Variants in ITPR1 observed in about 807,000 individuals in gnomAD.
ITPR1 encodes inositol 1,4,5-trisphosphate receptor type 1, also known as inositol 1,4,5-trisphosphate-gated calcium channel ITPR1.
In ITPR1, 96 loss-of-function variants were observed where a neutral mutation model predicts 318.4. That is an observed-to-expected ratio of 0.30 (90% confidence interval 0.26 to 0.36). The LOEUF (loss-of-function observed/expected upper bound fraction) is 0.36. Among genes scored for constraint, ITPR1 ranks in the 10% least tolerant of loss-of-function variants. The pLI is 1.00. For missense variants in ITPR1, 2,440 were observed against 3,460.2 expected, an observed-to-expected ratio of 0.71 and a Z score of 7.40; for synonymous variants, 1,312 against 1,289.9, an observed-to-expected ratio of 1.02 and a Z score of -0.37.
intron 4 of ITPR1, among the ~76,000 whole-genome samples, chr3:4,612,517 C>A (rs1172852763): frequency 2.0e-5 from 3 of 151,924 alleles, no homozygotes; most frequent in African/African-American, 7.3e-5. Flanking sequence ...TCTATATCCC[C>A]CCACTTCTGT....
Position 4,645,733 on chromosome 3 carries a change from G to A in ITPR1, c.855+5G>A. On this transcript the variant is annotated splice_donor_5th_base_variant and intron_variant, in intron 10 of 61. Coordinates refer to ENST00000649015, the MANE Select transcript of ITPR1 (RefSeq NM_001378452.1). ...AAAGCCCTGTGGGAGGTGGAGGTAAGGGTAGGGTGGAGAAAGGGCTCCTGG... is the reference window on the plus strand; with the variant it reads ...AAAGCCCTGTGGGAGGTGGAGGTAAAGGTAGGGTGGAGAAAGGGCTCCTGG... 1 of 1,611,620 alleles carries A rather than the reference G, an allele frequency of 6.2e-7. No homozygotes were observed. Among genetic ancestry groups the A allele is most frequent in the South Asian group, 1.1e-5 (1 of 90,872 alleles).
At chr3:4,673,821 A>G (rs2094135041) in intron 21 of ITPR1, among the ~76,000 whole-genome samples, 1 of 152,098 alleles carries the variant, frequency 6.6e-6, no homozygotes, top group South Asian at 2.1e-4. Context: ...TGACCTTGTG[A>G]GCCGTCCACC....
chr3:4,830,415 T>C (rs2050396799), intron 60 of ITPR1, among the ~76,000 whole-genome samples: 1 of 152,156 alleles, frequency 6.6e-6, no homozygotes, highest in Admixed American at 6.5e-5. Flanking sequence ...TTAGAAAAAT[T>C]AGCTCTAAAG....
At chr3:4,799,709 C>T (rs1398576102) in intron 53 of ITPR1, 2 of 152,046 alleles carry the variant, frequency 1.3e-5, no homozygotes, top group African/African-American at 4.8e-5. Flanking sequence ...TATAACCAAG[C>T]CGTCTCGTGG....
chr3:4,719,995 CAT>C (rs1406781371), intron 40 of ITPR1, among the ~76,000 whole-genome samples: 1 of 152,188 alleles, frequency 6.6e-6, no homozygotes, highest in Non-Finnish European at 1.5e-5. Context: ...AATTGTTACA[CAT>C]GTGTACACCT....
At chr3:4,835,102 G>A (rs1015825931) in intron 60 of ITPR1, among the ~76,000 whole-genome samples, 2 of 152,116 alleles carry the variant, frequency 1.3e-5, no homozygotes, top group Admixed American at 6.5e-5. Flanking sequence ...ACAAACTAGT[G>A]ACTGTGACCC....
intron 4 of ITPR1, among the ~76,000 whole-genome samples, chr3:4,565,553 A>G (rs191122743): frequency 2.6e-5 from 4 of 152,348 alleles, no homozygotes; most frequent in East Asian, 1.9e-4. Context: ...TCCTAGTGCC[A>G]AGAAATAAAC....
chr3:4,769,292 G>T (rs111583196), intron 46 of ITPR1, among the ~76,000 whole-genome samples: 29 of 152,228 alleles, frequency 1.9e-4, no homozygotes, highest in Non-Finnish European at 3.2e-4. Context: ...ACCACATCTT[G>T]TGCACCAACA....
At position 4,717,415 on chromosome 3, in the gene ITPR1, T is replaced by C. The variant is rs763160461; in HGVS notation, c.5136+16T>C. The stretch of plus-strand genomic sequence containing the variant: ...TAATGCTGAGGTCCTAATTTTGTTG[T>C]TTTTTGTTTTTCATGTCTCATGGTG... On this transcript the variant is annotated intron_variant, in intron 40 of 61. Coordinates refer to ENST00000649015, the MANE Select transcript of ITPR1 (RefSeq NM_001378452.1). The C allele has an allele frequency of 5.0e-6, 8 of 1,589,456 alleles. No individual in the cohort carries two copies. Among genetic ancestry groups the C allele is most frequent in the Non-Finnish European group, 6.8e-6 (8 of 1,170,860 alleles).
chr3:4,681,321 G>T (rs1271175463), intron 25 of ITPR1, 43 bp from the exon 26 acceptor site: 1 of 1,427,692 alleles, frequency 7.0e-7, no homozygotes, highest in Admixed American at 1.7e-5. Context: ...CAGCATGTTT[G>T]CAGACCTTCC....
intron 16 of ITPR1, among the ~76,000 whole-genome samples, chr3:4,663,991 A>C (rs1250716922): frequency 6.6e-6 from 1 of 152,180 alleles, no homozygotes; most frequent in East Asian, 1.9e-4. Context: ...AGTTCAGTTC[A>C]ATTGATTTTT....
At chr3:4,666,285 A>G (rs2093944941) in intron 17 of ITPR1, among the ~76,000 whole-genome samples, 1 of 152,202 alleles carries the variant, frequency 6.6e-6, no homozygotes. Context: ...GTCATCATAA[A>G]GATAGTGTTG....
intron 4 of ITPR1, among the ~76,000 whole-genome samples, chr3:4,545,804 T>C (rs2084934025): frequency 6.6e-6 from 1 of 151,076 alleles, no homozygotes; most frequent in Non-Finnish European, 1.5e-5. Context: ...CTCAAGTGAT[T>C]CTCCCGCCTC....
At chr3:4,630,723 T>A (rs540116571) in intron 5 of ITPR1, among the ~76,000 whole-genome samples, 1 of 152,004 alleles carries the variant, frequency 6.6e-6, no homozygotes, top group East Asian at 1.9e-4. Context: ...GTAGATGGAA[T>A]TACAGGCATG....
intron 12 of ITPR1, among the ~76,000 whole-genome samples, chr3:4,656,682 G>C (rs570483195): frequency 6.6e-6 from 1 of 152,184 alleles, no homozygotes; most frequent in African/African-American, 2.4e-5. Flanking sequence ...ATTCTCCCAG[G>C]CTCTCTCCTT....
At chr3:4,601,959 C>A (rs2091318800) in intron 4 of ITPR1, among the ~76,000 whole-genome samples, 1 of 152,134 alleles carries the variant, frequency 6.6e-6, no homozygotes, top group African/African-American at 2.4e-5. Flanking sequence ...TGTTCAGTAG[C>A]ATTAGTCATT....
At chr3:4,616,279 G>T (rs2092386118) in intron 4 of ITPR1, among the ~76,000 whole-genome samples, 2 of 152,170 alleles carry the variant, frequency 1.3e-5, no homozygotes, top group South Asian at 4.1e-4. Context: ...GATTAATAGA[G>T]CAAATAAGCC....
At chr3:4,711,209 T>TC (rs1202100926) in intron 38 of ITPR1, among the ~76,000 whole-genome samples, 2 of 51,768 alleles carry the variant, frequency 3.9e-5, no homozygotes, top group African/African-American at 8.3e-5. Context: ...AGACCTTGTC[T>TC]CAAAAAAAAA....
At position 4,738,946 on chromosome 3, in the gene ITPR1, T is replaced by G. The variant is rs538244830; in HGVS notation, c.5544+3592T>G. On this transcript the variant is annotated intron_variant, in intron 44 of 61. Coordinates refer to ENST00000649015, the MANE Select transcript of ITPR1 (RefSeq NM_001378452.1). ...CATGCTGTTTTCTCCTCCCCGCTTC[T>G]GTGACCCCTGGGGGGCCCAGTCTAA... 8.6e-4 allele frequency among the ~76,000 whole-genome samples: 131 copies of G among 151,980 alleles called. No homozygotes were observed. The Middle Eastern group carries it at 0.01, about 12-fold the overall frequency.
Sources: gnomAD v4.1 joint callset for allele counts (sites outside exome capture counted in the v4.1 genomes callset) on GRCh38, gnomAD v4.1.1 for gene constraint, MANE v1.5 for transcripts, NCBI Gene and HGNC (gene_info 2026-07-23, HGNC 2026-07-21) for gene names.